The following RNF217 variants were observed in gnomAD, a reference collection of about 807,000 sequenced individuals.
RNF217 encodes ring finger protein 217.
RNF217 carries 31 observed loss-of-function variants against 57.8 expected under a neutral mutation model. The observed-to-expected ratio is 0.54, with a 90% CI of 0.40 to 0.72. RNF217 has a LOEUF of 0.72. Among genes scored for constraint, RNF217 ranks in the 30% least tolerant of loss-of-function variants. The pLI is 0.00. For missense variants in RNF217, 696 were observed against 708.3 expected (o/e 0.98, Z 0.20); for synonymous variants, 313 against 294.0 (o/e 1.06, Z -0.66).
intron 1 of RNF217, among the ~76,000 whole-genome samples, chr6:124,974,230 C>T (rs1445674776): frequency 6.6e-6 from 1 of 152,048 alleles, no homozygotes; most frequent in East Asian, 1.9e-4. Flanking sequence ...GAATTTGGGG[C>T]CATATTTTAA....
At chr6:124,964,273 T>G (rs372376928) in intron 1 of RNF217, among the ~76,000 whole-genome samples, 7 of 152,276 alleles carry the variant, frequency 4.6e-5, no homozygotes, top group African/African-American at 1.7e-4. Flanking sequence ...CCTAGGCCTA[T>G]TCATCTTTCA....
chr6:125,034,343 TC>T (rs1786505008), intron 1 of RNF217, among the ~76,000 whole-genome samples: 1 of 152,220 alleles, frequency 6.6e-6, no homozygotes, highest in Non-Finnish European at 1.5e-5. Flanking sequence ...AACATTTAAG[TC>T]TTTCATTCAT....
At position 125,085,976 on chromosome 6, in the gene RNF217, A is replaced by G. The variant is rs917118581; in HGVS notation, c.*3039A>G. Reference sequence around the variant, plus strand: ...CCATTGTAGGAGTATACTTTAACTTATTGAATTAGTCCCCTGTTGAATGGA... The same window carrying G: ...CCATTGTAGGAGTATACTTTAACTTGTTGAATTAGTCCCCTGTTGAATGGA... On this transcript the variant is annotated 3_prime_UTR_variant, in exon 6 of 6. Transcript: ENST00000521654. 3.3e-5 allele frequency: 5 copies of G among 152,116 alleles called. No homozygotes were observed. Among genetic ancestry groups the G allele is most frequent in the Admixed American group, 3.3e-4 (5 of 15,250 alleles). The allele number at this position is 152,116 out of a possible 1,614,324, so 9.4% of individuals were successfully genotyped here.
At chr6:124,986,824 A>G (rs1327650937) in intron 1 of RNF217, among the ~76,000 whole-genome samples, 1 of 152,230 alleles carries the variant, frequency 6.6e-6, no homozygotes, top group South Asian at 2.1e-4. Context: ...TATTAGTAAT[A>G]ATAAAGTATC....
intron 1 of RNF217, among the ~76,000 whole-genome samples, chr6:124,988,281 G>A (rs1397040797): frequency 6.6e-6 from 1 of 152,144 alleles, no homozygotes; most frequent in African/African-American, 2.4e-5. Flanking sequence ...AAAGGTTGGG[G>A]ACCACTGCAT....
chr6:125,014,324 C>T (rs943103538), intron 1 of RNF217, among the ~76,000 whole-genome samples: 16 of 152,162 alleles, frequency 1.1e-4, no homozygotes, highest in African/African-American at 3.4e-4. Context: ...AGGCTGTACT[C>T]TAAATGCCTT....
intron 1 of RNF217, among the ~76,000 whole-genome samples, chr6:125,044,614 TC>T (rs1307773127): frequency 1.3e-5 from 2 of 152,116 alleles, no homozygotes; most frequent in Non-Finnish European, 2.9e-5. Flanking sequence ...TCTTACTTGT[TC>T]CTATGATTCT....
At chr6:124,965,753 C>T (rs1562443128) in intron 1 of RNF217, among the ~76,000 whole-genome samples, 2 of 152,140 alleles carry the variant, frequency 1.3e-5, no homozygotes, top group African/African-American at 2.4e-5. Context: ...ATTCAAATGT[C>T]ATGCCCTGTG....
intron 2 of RNF217, among the ~76,000 whole-genome samples, chr6:125,052,062 G>A (rs1227154570): frequency 6.6e-6 from 1 of 152,014 alleles, no homozygotes; most frequent in Non-Finnish European, 1.5e-5. Flanking sequence ...TCAAATTAGG[G>A]AGAGAGTACT....
At chr6:125,015,066 A>G (rs1464203537) in intron 1 of RNF217, among the ~76,000 whole-genome samples, 2 of 152,196 alleles carry the variant, frequency 1.3e-5, no homozygotes, top group East Asian at 1.9e-4. Context: ...TCTGAAGTAT[A>G]TAGACTTCCA....
intron 4 of RNF217, among the ~76,000 whole-genome samples, chr6:125,078,101 C>T (rs1788445960): frequency 6.6e-6 from 1 of 152,102 alleles, no homozygotes; most frequent in Non-Finnish European, 1.5e-5. Context: ...GTCAAGACTG[C>T]TTTTAATGAT....
At chr6:125,009,201 A>G (rs1785321012) in intron 1 of RNF217, 1 of 1,584,690 alleles carries the variant, frequency 6.3e-7, no homozygotes, top group African/African-American at 1.4e-5. Context: ...GAGTAAAGAT[A>G]AAGAGTAGGA....
At chr6:125,014,094 G>T (rs1204357087) in intron 1 of RNF217, among the ~76,000 whole-genome samples, 1 of 152,156 alleles carries the variant, frequency 6.6e-6, no homozygotes, top group African/African-American at 2.4e-5. Context: ...ACATACAGAG[G>T]ATGCTGTTTG....
chr6:124,993,006 C>G (rs551037816), intron 1 of RNF217, among the ~76,000 whole-genome samples: 1 of 152,198 alleles, frequency 6.6e-6, no homozygotes. Context: ...GACTGAGAAA[C>G]AACTGTCAGT....
In RNF217 at chr6:124,992,137, A is replaced by G. The variant is rs556661914; in HGVS notation, c.882+28711A>G. On this transcript the variant is annotated intron_variant, in intron 1 of 5. Transcript: ENST00000521654. ...TTCAAACAAGCTACAAAGTAATGCCAGTAATGCTGACCTGCAGCATCACAC... is the reference window on the plus strand; with the variant it reads ...TTCAAACAAGCTACAAAGTAATGCCGGTAATGCTGACCTGCAGCATCACAC... 2.6e-3 allele frequency among the ~76,000 whole-genome samples: 400 copies of G among 152,308 alleles called. 3 individuals are homozygous for G. Among genetic ancestry groups the G allele is most frequent in the African/African-American group, 8.9e-3 (369 of 41,582 alleles).
intron 2 of RNF217, among the ~76,000 whole-genome samples, chr6:125,051,308 A>G (rs1787307212): frequency 6.6e-6 from 1 of 151,902 alleles, no homozygotes; most frequent in African/African-American, 2.4e-5. Flanking sequence ...AGCACAATGA[A>G]CAAGTGAAGA....
chr6:125,049,208 A>G (rs968091231), intron 2 of RNF217, among the ~76,000 whole-genome samples: 1 of 152,042 alleles, frequency 6.6e-6, no homozygotes, highest in East Asian at 1.9e-4. Flanking sequence ...GTTTTGACTA[A>G]TGTCCTTATG....
chr6:124,986,634 G>A (rs886862222), intron 1 of RNF217, among the ~76,000 whole-genome samples: 1 of 152,032 alleles, frequency 6.6e-6, no homozygotes, highest in African/African-American at 2.4e-5. Context: ...ATTTTATAAG[G>A]TTATCTCTTC....
At chr6:125,025,237 G>A (rs1300668138) in intron 1 of RNF217, among the ~76,000 whole-genome samples, 1 of 152,124 alleles carries the variant, frequency 6.6e-6, no homozygotes, top group Non-Finnish European at 1.5e-5. Context: ...TCAAGGAGGA[G>A]GTGAGACAGA....
Sources: gnomAD v4.1 joint callset for allele counts (sites outside exome capture counted in the v4.1 genomes callset) on GRCh38, gnomAD v4.1.1 for gene constraint, MANE v1.5 for transcripts, NCBI Gene and HGNC (gene_info 2026-07-23, HGNC 2026-07-21) for gene names.